TENM3: variants seen among roughly 807,000 people sequenced by gnomAD.
TENM3 encodes teneurin-3.
Under a neutral mutation model 255.1 loss-of-function variants are expected in TENM3, and 63 were observed. The observed-to-expected ratio is 0.25, with a 90% confidence interval of 0.20 to 0.30. TENM3 has a LOEUF of 0.30. Among genes scored for constraint, TENM3 ranks in the 10% least tolerant of loss-of-function variants. TENM3 has a pLI of 1.00. For synonymous variants in TENM3, 1,306 were observed against 1,322.3 expected (o/e 0.99, Z 0.27); for missense variants, 2,929 against 3,461.1 (o/e 0.85, Z 3.86).
At chr4:182,315,765 G>A (rs1219923953) in intron 1 of TENM3, among the ~76,000 whole-genome samples, 1 of 151,926 alleles carries the variant, frequency 6.6e-6, no homozygotes, top group African/African-American at 2.4e-5. Context: ...TCTCTCTGAT[G>A]ATTTATTTAT....
chr4:181,695,205 A>T, the TENM3 span, among the ~76,000 whole-genome samples: 1 of 152,174 alleles, frequency 6.6e-6, no homozygotes, highest in African/African-American at 2.4e-5. Flanking sequence ...TAATCAAAAT[A>T]ATCTGACCCC....
intron 1 of TENM3, among the ~76,000 whole-genome samples, chr4:182,194,352 G>A (rs887065949): frequency 2.0e-5 from 3 of 152,144 alleles, no homozygotes; most frequent in African/African-American, 7.2e-5. Context: ...ACTGATGCAC[G>A]CGTGTTGCCA....
At chr4:182,598,248 G>A (rs1006793753) in intron 3 of TENM3, among the ~76,000 whole-genome samples, 2 of 152,204 alleles carry the variant, frequency 1.3e-5, no homozygotes, top group Non-Finnish European at 2.9e-5. Flanking sequence ...GACTTTGCAT[G>A]TATTCTGTTC....
chr4:182,753,719 C>T, intron 21 of TENM3, 115 bp downstream of exon 21: 1 of 913,652 alleles, frequency 1.1e-6, no homozygotes, highest in Non-Finnish European at 1.6e-6. Context: ...TGCAGTGGTT[C>T]TGATAGGGCA....
the TENM3 span, among the ~76,000 whole-genome samples, chr4:181,495,787 A>G: frequency 1.3e-5 from 2 of 151,928 alleles, no homozygotes; most frequent in African/African-American, 4.8e-5. Flanking sequence ...GATGCATGAG[A>G]GAATTTTTTG....
chr4:181,546,078 G>C, the TENM3 span, among the ~76,000 whole-genome samples: 2 of 152,142 alleles, frequency 1.3e-5, no homozygotes, highest in Non-Finnish European at 2.9e-5. Flanking sequence ...TTTTCTCTCT[G>C]GTGGCCACTG....
In TENM3 at chr4:182,754,531, A is replaced by C. The variant is rs749827665; in HGVS notation, c.4164A>C (p.Gly1388=). Residue 1388 remains glycine (G), a synonymous_variant, in exon 22 of 28, where the codon GGA becomes GGC. Coordinates refer to ENST00000511685, the MANE Select transcript of TENM3 (RefSeq NM_001080477.4). This position sits in a 1 kb window ranked among gnomAD's most constrained non-coding sequence, Gnocchi z 5.1. ...GGCCCATGCACTGTCAGGTTCCCGG[A>C]GTGGAATATCCTGTGGGGAAGCACG... ...AGRPMHCQVP[G]VEYPVGKHAV... The C allele has an allele frequency of 1.2e-5, 19 of 1,613,962 alleles. No homozygotes were observed. The Admixed American group carries it at 3.2e-4, about 27-fold the overall frequency.
At chr4:182,408,358 A>C (rs1263545994) in intron 3 of TENM3, among the ~76,000 whole-genome samples, 1 of 152,222 alleles carries the variant, frequency 6.6e-6, no homozygotes, top group Non-Finnish European at 1.5e-5. Context: ...AATGTGAATA[A>C]AATGCAGGCA....
At chr4:182,011,254 A>G in the TENM3 span, among the ~76,000 whole-genome samples, 1 of 152,150 alleles carries the variant, frequency 6.6e-6, no homozygotes, top group Non-Finnish European at 1.5e-5. Flanking sequence ...ATGCCCCTCC[A>G]ATTTTCCCTA....
chr4:181,496,806 G>A, the TENM3 span, among the ~76,000 whole-genome samples: 9 of 152,114 alleles, frequency 5.9e-5, no homozygotes, highest in South Asian at 1.9e-3. Flanking sequence ...TTATACTTAT[G>A]AGCCCTGAGG....
chr4:181,824,997 C>T, the TENM3 span, among the ~76,000 whole-genome samples: 2 of 152,152 alleles, frequency 1.3e-5, no homozygotes. Flanking sequence ...GGCTACCTGT[C>T]GCATTTTTAA....
chr4:181,918,310 G>A, the TENM3 span, among the ~76,000 whole-genome samples: 10 of 152,174 alleles, frequency 6.6e-5, 1 homozygote, highest in Admixed American at 4.6e-4. Flanking sequence ...TTAGAAAACA[G>A]TTGGAACAAT....
In TENM3 at chr4:182,176,155, A is replaced by ACAT. The variant is rs35793088; in HGVS notation, c.-76+31401_-76+31402insCAT. On this transcript the variant is annotated intron_variant, in intron 1 of 2. Coordinates refer to the TENM3 transcript ENST00000512480. ...ACTTGTATCACACAGAAAAGACACA[A>ACAT]TGAGTGTAGGGCCTCGTCTATAGAA... is the stretch of plus-strand genomic sequence containing the variant. Among the ~76,000 whole-genome samples, 717 of 151,862 alleles carry ACAT rather than the reference A, an allele frequency of 4.7e-3. 13 individuals are homozygous for ACAT. Among genetic ancestry groups the ACAT allele is most frequent in the Admixed American group, 0.035 (531 of 15,256 alleles).
the TENM3 span, among the ~76,000 whole-genome samples, chr4:181,475,405 A>T: frequency 6.6e-6 from 1 of 152,180 alleles, no homozygotes; most frequent in African/African-American, 2.4e-5. Flanking sequence ...AAAACGTAAA[A>T]ATCAAGAATT....
At chr4:181,962,431 C>T in the TENM3 span, among the ~76,000 whole-genome samples, 1 of 152,188 alleles carries the variant, frequency 6.6e-6, no homozygotes, top group African/African-American at 2.4e-5. Flanking sequence ...GGTGCTAACC[C>T]ATTGGTGGTA....
chr4:181,950,313 G>A, the TENM3 span, among the ~76,000 whole-genome samples: 61 of 151,044 alleles, frequency 4.0e-4, no homozygotes, highest in Admixed American at 5.9e-4. Flanking sequence ...ATCTTCCTTC[G>A]CTGAGTCCCT....
the TENM3 span, among the ~76,000 whole-genome samples, chr4:182,053,217 G>C: frequency 0.02 from 3,092 of 152,208 alleles, 37 homozygotes; most frequent in Non-Finnish European, 0.033. Context: ...GGTTCACACT[G>C]TATAGGAATT....
At chr4:182,589,947 C>T (rs1478731159) in intron 3 of TENM3, among the ~76,000 whole-genome samples, 2 of 152,108 alleles carry the variant, frequency 1.3e-5, no homozygotes, top group Non-Finnish European at 2.9e-5. Flanking sequence ...CGCTGCACGC[C>T]AGCCTGGGCA....
chr4:181,545,649 C>T, the TENM3 span, among the ~76,000 whole-genome samples: 3 of 151,948 alleles, frequency 2.0e-5, no homozygotes, highest in Non-Finnish European at 4.4e-5. Flanking sequence ...TAAAAAGAGT[C>T]CTTTGGGTTA....
Sources: allele counts gnomAD v4.1 joint callset (sites outside exome capture counted in the v4.1 genomes callset), GRCh38; gene constraint gnomAD v4.1.1; non-coding constraint Gnocchi (gnomAD v3.1); transcripts MANE v1.5; gene names NCBI Gene and HGNC (gene_info 2026-07-23, HGNC 2026-07-21).